MAP3K3: variants seen among roughly 807,000 people sequenced by gnomAD.
MAP3K3 encodes the protein mitogen-activated protein kinase kinase kinase 3.
MAP3K3 carries 12 observed loss-of-function variants against 80.9 expected under a neutral mutation model. That is an observed-to-expected ratio of 0.15 (90% CI 0.10 to 0.24). The LOEUF (loss-of-function observed/expected upper bound fraction) is 0.24. Ranked by LOEUF, MAP3K3 falls within the 10% of genes least tolerant of loss-of-function variation. MAP3K3 has a pLI of 1.00. For missense variants in MAP3K3, 596 were observed against 834.7 expected (o/e 0.71, Z 3.52); for synonymous variants, 272 against 307.1 (o/e 0.89, Z 1.19).
At chr17:63,681,999 G>A (rs1419754102) in intron 7 of MAP3K3, 100 bp downstream of exon 7, 6 of 1,112,630 alleles carry the variant, frequency 5.4e-6, no homozygotes, top group Non-Finnish European at 7.1e-6. Flanking sequence ...TGAGGGACAT[G>A]AACCCCATTT....
intron 3 of MAP3K3, among the ~76,000 whole-genome samples, chr17:63,648,635 T>C (rs2034586915): frequency 6.6e-6 from 1 of 151,872 alleles, no homozygotes; most frequent in South Asian, 2.1e-4. Context: ...ACCAATATGG[T>C]GAAACCCCGT....
chr17:63,631,647 TG>T (rs763772663), intron 1 of MAP3K3, among the ~76,000 whole-genome samples: 5 of 152,206 alleles, frequency 3.3e-5, no homozygotes, highest in Non-Finnish European at 7.3e-5. Context: ...TGGACTGGTT[TG>T]TGTTCTGGGT....
Position 63,666,843 on chromosome 17 carries a change from CTG to C in MAP3K3, c.382-96_382-95del, listed in dbSNP as rs145115891. ...TCATGTATTAAAAGCATGAAGGTGG[CTG>C]AGCCTGCAGGGAGTCCTTAGGAAAA... On this transcript the variant is annotated intron_variant, in intron 5 of 15. Coordinates refer to ENST00000361733, the MANE Select transcript of MAP3K3 (RefSeq NM_002401.5). 2,221 of 1,389,962 alleles carry C rather than the reference CTG, an allele frequency of 1.6e-3. 35 individuals carry two copies. The African/African-American group carries it at 0.029, about 18-fold the overall frequency. 86.1% of individuals were successfully genotyped at this position (1,389,962 alleles called of 1,614,324 possible).
intron 2 of MAP3K3, among the ~76,000 whole-genome samples, chr17:63,641,166 A>T (rs982352169): frequency 1.3e-5 from 2 of 152,184 alleles, no homozygotes; most frequent in Non-Finnish European, 2.9e-5. Flanking sequence ...TAATTCCGTA[A>T]ATTGGATACT....
intron 6 of MAP3K3, among the ~76,000 whole-genome samples, chr17:63,670,803 A>G (rs183815976): frequency 6.6e-6 from 1 of 152,146 alleles, no homozygotes; most frequent in African/African-American, 2.4e-5. Context: ...AGAAATGGAA[A>G]GAAGTCCAGA....
chr17:63,643,352 A>G (rs1335226338), intron 2 of MAP3K3, among the ~76,000 whole-genome samples: 6 of 151,948 alleles, frequency 3.9e-5, no homozygotes, highest in Non-Finnish European at 7.4e-5. Flanking sequence ...AAAAGTTACA[A>G]ATTAGCCCAG....
intron 6 of MAP3K3, among the ~76,000 whole-genome samples, chr17:63,676,765 T>C (rs1282818173): frequency 6.6e-6 from 1 of 152,316 alleles, no homozygotes; most frequent in East Asian, 1.9e-4. Flanking sequence ...AGAAGTCCAG[T>C]GCCCCTCAGG....
chr17:63,694,098 G>A lies in MAP3K3; in HGVS notation c.*321G>A. On this transcript the variant is annotated 3_prime_UTR_variant, in exon 16 of 16. Coordinates refer to ENST00000361733, the MANE Select transcript of MAP3K3 (RefSeq NM_002401.5). ...GGGATGTGTCCTGACACTGCAATTG[G>A]CACCGAAGCCCAGAGGGTCTGGGGG... The A allele has an allele frequency of 3.6e-6, 1 of 277,584 alleles. No individual in the cohort carries two copies. The highest frequency in any genetic ancestry group is 6.8e-6 in the Non-Finnish European group (1 of 147,506). 17.2% of individuals were successfully genotyped at this position (277,584 alleles called of 1,614,324 possible).
rs2035601268 is a variant in MAP3K3, at chr17:63,691,958, T to C, written c.1474+96T>C. Reference sequence around the variant, plus strand: ...CCAATCACTTAACCATTCTGAACTTTCTGAAAAGTGGGACCCCAGTTGTTT... The same window carrying C: ...CCAATCACTTAACCATTCTGAACTTCCTGAAAAGTGGGACCCCAGTTGTTT... On this transcript the variant is annotated intron_variant, in intron 14 of 15. Coordinates refer to ENST00000361733, the MANE Select transcript of MAP3K3 (RefSeq NM_002401.5). The surrounding 1 kb of genome is among the most constrained non-coding windows in gnomAD (Gnocchi z 4.8). 15 of 1,404,504 alleles carry C rather than the reference T, an allele frequency of 1.1e-5. No individual in the cohort carries two copies. The highest frequency in any genetic ancestry group is 1.4e-5 in the Non-Finnish European group (14 of 1,019,050). The allele number at this position is 1,404,504 out of a possible 1,614,324, so 87.0% of individuals were successfully genotyped here. A position where few individuals can be genotyped will look rare whatever the true frequency, so the allele number is the denominator to read the frequency against.
chr17:63,690,137 G>A (rs898234238), intron 11 of MAP3K3, 127 bp from the exon 12 acceptor site: 84 of 1,069,002 alleles, frequency 7.9e-5, no homozygotes, highest in Non-Finnish European at 1.1e-4. Flanking sequence ...TGGTGGAGAT[G>A]CTCTACTAAG....
chr17:63,681,395 G>A (rs775682833), intron 6 of MAP3K3, among the ~76,000 whole-genome samples: 5 of 152,158 alleles, frequency 3.3e-5, no homozygotes, highest in Non-Finnish European at 7.4e-5. Context: ...GCTGATGGGA[G>A]GAAATGGCAT....
intron 2 of MAP3K3, among the ~76,000 whole-genome samples, chr17:63,642,493 A>C (rs2034462252): frequency 6.6e-6 from 1 of 151,968 alleles, no homozygotes; most frequent in Non-Finnish European, 1.5e-5. Flanking sequence ...CCTTGTCTCT[A>C]CTAAAAATAC....
chr17:63,622,785 G>T (rs763207767), intron 1 of MAP3K3, 22 bp downstream of exon 1: 2 of 508,152 alleles, frequency 3.9e-6, no homozygotes, highest in South Asian at 3.1e-5. Context: ...CACCGCCCCG[G>T]CCTGTGCCCG....
chr17:63,638,409 C>CT (rs1468325049), intron 2 of MAP3K3, among the ~76,000 whole-genome samples: 2 of 152,024 alleles, frequency 1.3e-5, no homozygotes, highest in African/African-American at 4.8e-5. Context: ...GTTCATAAAC[C>CT]TTTGGTTAAT....
At chr17:63,666,868 A>G (rs2035008998) in intron 5 of MAP3K3, 72 bp from the exon 6 acceptor site, 2 of 1,575,024 alleles carry the variant, frequency 1.3e-6, no homozygotes, top group African/African-American at 2.7e-5. Flanking sequence ...GTCCTTAGGA[A>G]AAGGGTGAGA....
At chr17:63,654,985 G>T (rs1425293311) in intron 4 of MAP3K3, among the ~76,000 whole-genome samples, 1 of 152,014 alleles carries the variant, frequency 6.6e-6, no homozygotes. Context: ...GCAATGAGCC[G>T]AGATTGCAGC....
intron 5 of MAP3K3, 89 bp from the exon 6 acceptor site, chr17:63,666,851 G>T: frequency 1.4e-6 from 2 of 1,475,116 alleles, no homozygotes; most frequent in South Asian, 2.4e-5. Flanking sequence ...GGCTGAGCCT[G>T]CAGGGAGTCC....
intron 6 of MAP3K3, among the ~76,000 whole-genome samples, chr17:63,675,850 T>A (rs977530974): frequency 7.9e-5 from 12 of 152,224 alleles, no homozygotes; most frequent in African/African-American, 2.9e-4. Context: ...ATGAGCTGTT[T>A]TGCATAGCTC....
At chr17:63,645,898 G>A (rs1209175042) in intron 2 of MAP3K3, 136 bp from the exon 3 acceptor site, 2 of 685,782 alleles carry the variant, frequency 2.9e-6, no homozygotes, top group Non-Finnish European at 5.5e-6. Context: ...TGCCCATCTG[G>A]GAAGAGAAGC....
Sources: allele counts gnomAD v4.1 joint callset (sites outside exome capture counted in the v4.1 genomes callset), GRCh38; gene constraint gnomAD v4.1.1; non-coding constraint Gnocchi (gnomAD v3.1); transcripts MANE v1.5; gene names NCBI Gene and HGNC (gene_info 2026-07-23, HGNC 2026-07-21).